COPG2: variants seen among roughly 807,000 people sequenced by gnomAD.
The protein encoded by COPG2 is coat protein complex I subunit gamma 2.
Under a neutral mutation model 46.3 loss-of-function variants are expected in COPG2, and 37 were observed. The ratio of observed to expected loss-of-function variants is 0.80; its 90% CI spans 0.61 to 1.05. The LOEUF is 1.05. COPG2 is among the 50% of genes least tolerant of loss of function. The probability of loss-of-function intolerance (pLI) is 0.00; values close to 1 mark genes in which losing one functional copy is unlikely to be tolerated. For missense variants in COPG2, 427 were observed against 387.8 expected (o/e 1.10, Z -0.85); for synonymous variants, 159 against 129.7 (o/e 1.23, Z -1.53).
At chr7:130,633,374 A>C (rs1307941634) in intron 5 of COPG2, among the ~76,000 whole-genome samples, 3 of 152,152 alleles carry the variant, frequency 2.0e-5, no homozygotes, top group Admixed American at 6.5e-5. Flanking sequence ...GTGTAAAGGC[A>C]TTCCTATTTC....
intron 20 of COPG2, chr7:130,509,220 G>C (rs12706942): frequency 0.52 from 253,570 of 489,074 alleles, 69,731 homozygotes; most frequent in East Asian, 0.6. Flanking sequence ...TGAGTTTCTA[G>C]TATTGGTAAA....
At chr7:130,648,727 C>T (rs1275504952) in intron 5 of COPG2, among the ~76,000 whole-genome samples, 1 of 152,236 alleles carries the variant, frequency 6.6e-6, no homozygotes, top group African/African-American at 2.4e-5. Flanking sequence ...TCTGCACGGG[C>T]AGAATTCTGT....
intron 20 of COPG2, among the ~76,000 whole-genome samples, chr7:130,518,549 G>C (rs1799698201): frequency 6.6e-6 from 1 of 152,174 alleles, no homozygotes; most frequent in East Asian, 1.9e-4. Flanking sequence ...ATCCATCACT[G>C]TGATTATCGA....
intron 20 of COPG2, among the ~76,000 whole-genome samples, chr7:130,528,883 T>C (rs1365858337): frequency 2.0e-5 from 3 of 151,566 alleles, no homozygotes; most frequent in African/African-American, 7.3e-5. Flanking sequence ...TTACCCCAGA[T>C]GGGGCAAAGT....
At chr7:130,645,436 C>T (rs1381426366) in intron 5 of COPG2, 6 of 397,708 alleles carry the variant, frequency 1.5e-5, no homozygotes, top group East Asian at 1.4e-4. Context: ...AGCCCATGGG[C>T]GAAGATGATG....
chr7:130,523,476 C>T (rs1250300675), intron 20 of COPG2, among the ~76,000 whole-genome samples: 5 of 152,178 alleles, frequency 3.3e-5, no homozygotes, highest in Non-Finnish European at 5.9e-5. Flanking sequence ...GATGGAGAGC[C>T]GGGCAGATAC....
intron 12 of COPG2, among the ~76,000 whole-genome samples, chr7:130,558,533 A>AC (rs1438079331): frequency 6.6e-5 from 10 of 152,260 alleles, no homozygotes; most frequent in Middle Eastern, 3.4e-3. Flanking sequence ...TAGTGTGACA[A>AC]CATACTAATA....
chr7:130,652,853 T>C lies in COPG2; in HGVS notation c.323+16A>G, dbSNP rs562911799. ...ATATATAAGTATCTCATCCTAGATT[T>C]TGACCATTTACATACCTGCTTGTGA... On this transcript the variant is annotated intron_variant, in intron 5 of 23. Transcript: ENST00000425248. 5 of 1,539,282 alleles carry C rather than the reference T, an allele frequency of 3.2e-6. No homozygotes were observed. Among genetic ancestry groups the C allele is most frequent in the South Asian group, 2.3e-5 (2 of 86,060 alleles).
At chr7:130,590,152 T>A (rs906032028) in intron 9 of COPG2, among the ~76,000 whole-genome samples, 2 of 151,886 alleles carry the variant, frequency 1.3e-5, no homozygotes, top group African/African-American at 2.4e-5. Context: ...AATGTAAGAG[T>A]CCAAATTTCT....
intron 5 of COPG2, among the ~76,000 whole-genome samples, chr7:130,643,598 C>T (rs1290728444): frequency 6.6e-6 from 1 of 151,784 alleles, no homozygotes; most frequent in African/African-American, 2.4e-5. Flanking sequence ...AATTAAGCTG[C>T]CTTAAAGAAA....
chr7:130,633,794 C>T (rs1309253214), intron 5 of COPG2, among the ~76,000 whole-genome samples: 5 of 152,234 alleles, frequency 3.3e-5, no homozygotes, highest in Middle Eastern at 3.4e-3. Flanking sequence ...AGTCTTTGCC[C>T]ATGCCTATGT....
At chr7:130,577,317 C>A (rs533701897) in intron 9 of COPG2, among the ~76,000 whole-genome samples, 1 of 152,320 alleles carries the variant, frequency 6.6e-6, no homozygotes, top group Admixed American at 6.5e-5. Flanking sequence ...GTGCACGCAC[C>A]GTGCGCAAGC....
chr7:130,609,565 T>C (rs1468209124), intron 9 of COPG2, among the ~76,000 whole-genome samples: 1 of 152,234 alleles, frequency 6.6e-6, no homozygotes. Context: ...TGGACTAACA[T>C]ATCCATTATC....
At chr7:130,517,306 A>G (rs1799687732) in intron 20 of COPG2, among the ~76,000 whole-genome samples, 1 of 152,218 alleles carries the variant, frequency 6.6e-6, no homozygotes, top group South Asian at 2.1e-4. Flanking sequence ...AGTGGCAACT[A>G]GGCAGATCAG....
At chr7:130,591,775 G>A (rs1477688185) in intron 9 of COPG2, among the ~76,000 whole-genome samples, 1 of 147,368 alleles carries the variant, frequency 6.8e-6, no homozygotes, top group East Asian at 2.0e-4. Context: ...CGGGAGGGAA[G>A]TGGAGGGGTC....
intron 20 of COPG2, chr7:130,509,028 CAA>C (rs373840988): frequency 5.2e-5 from 18 of 343,320 alleles, no homozygotes; most frequent in Admixed American, 7.3e-5. Flanking sequence ...AGGACCTGAC[CAA>C]AAAAAAAAAC....
intron 4 of COPG2, among the ~76,000 whole-genome samples, chr7:130,654,766 ACT>A (rs1464619538): frequency 1.1e-4 from 16 of 151,500 alleles, no homozygotes; most frequent in African/African-American, 3.6e-4. Context: ...GTTTATTTCT[ACT>A]CTGTCTTTTT....
chr7:130,629,116 T>C (rs1199785107), intron 5 of COPG2, among the ~76,000 whole-genome samples: 1 of 152,208 alleles, frequency 6.6e-6, no homozygotes, highest in Non-Finnish European at 1.5e-5. Context: ...GTCTTCTAGC[T>C]TGCATGTTTT....
At chr7:130,613,709 T>C in intron 6 of COPG2, 73 bp from the exon 7 acceptor site, 1 of 996,428 alleles carries the variant, frequency 1.0e-6, no homozygotes, top group Admixed American at 2.1e-5. Flanking sequence ...TGCTTCAAAA[T>C]AATTTTCAAA....
Sources: allele counts gnomAD v4.1 joint callset (sites outside exome capture counted in the v4.1 genomes callset), GRCh38; gene constraint gnomAD v4.1.1; transcripts MANE v1.5; gene names NCBI Gene and HGNC (gene_info 2026-07-23, HGNC 2026-07-21).